MZT2B: variants seen among roughly 807,000 people sequenced by gnomAD.
MZT2B encodes the protein mitotic-spindle organizing protein 2B.
A neutral mutation model predicts 12.1 loss-of-function variants in MZT2B; 11 were observed. The observed-to-expected ratio is 0.91, with a 90% CI of 0.57 to 1.50. The LOEUF (loss-of-function observed/expected upper bound fraction) is 1.50. Among genes scored for constraint, MZT2B ranks in the 40% most tolerant of loss-of-function variants. The pLI is 0.00. For synonymous variants in MZT2B, 85 were observed against 109.5 expected, an observed-to-expected ratio of 0.78 and a Z score of 1.40; for missense variants, 209 against 227.7, an observed-to-expected ratio of 0.92 and a Z score of 0.53.
chr2:130,202,268 T>C, the MZT2B span: 1 of 1,258,906 alleles, frequency 7.9e-7, no homozygotes, highest in Non-Finnish European at 1.0e-6. Context: ...CGTTTACATA[T>C]AGTTGCTACA....
At chr2:130,181,774 T>C (rs1273522645), upstream of MZT2B, 7 of 1,547,710 alleles carry the variant, frequency 4.5e-6, no homozygotes, top group South Asian at 1.2e-5. Context: ...GCGCCTGCGT[T>C]GTGGCGGCCT....
chr2:130,190,808 G>C, downstream of MZT2B: 4 of 1,341,218 alleles, frequency 3.0e-6, no homozygotes, highest in Non-Finnish European at 3.9e-6. Context: ...GCCGGTCCTG[G>C]TTGTGCCACA....
chr2:130,191,524 G>A (rs1433394793), downstream of MZT2B, among the ~76,000 whole-genome samples: 1 of 152,142 alleles, frequency 6.6e-6, no homozygotes, highest in African/African-American at 2.4e-5. Flanking sequence ...CCCTGACTCA[G>A]CTTTCCTAGA....
chr2:130,202,781 A>G, the MZT2B span, among the ~76,000 whole-genome samples: 1 of 152,184 alleles, frequency 6.6e-6, no homozygotes, highest in African/African-American at 2.4e-5. Flanking sequence ...ATGAGGAACG[A>G]TGTCCAGAGG....
At chr2:130,201,309 C>G in the MZT2B span, among the ~76,000 whole-genome samples, 1 of 152,192 alleles carries the variant, frequency 6.6e-6, no homozygotes, top group Non-Finnish European at 1.5e-5. Flanking sequence ...TAAAAAATAC[C>G]ACTGACTGAG....
the MZT2B span, among the ~76,000 whole-genome samples, chr2:130,201,896 G>C: frequency 6.6e-6 from 1 of 152,052 alleles, no homozygotes; most frequent in Non-Finnish European, 1.5e-5. Flanking sequence ...GAAAAGCTAC[G>C]GGAAAAATAT....
intron 2 of MZT2B, among the ~76,000 whole-genome samples, chr2:130,186,006 G>A (rs1483186449): frequency 6.6e-6 from 1 of 152,148 alleles, no homozygotes; most frequent in Non-Finnish European, 1.5e-5. Flanking sequence ...GCCACACCAG[G>A]AGTGTGCTGC....
chr2:130,184,962 C>G (rs1477958638), intron 2 of MZT2B: 16 of 851,462 alleles, frequency 1.9e-5, no homozygotes, highest in Non-Finnish European at 2.1e-5. Context: ...CTCAGGAGTT[C>G]AAGACCAGCC....
chr2:130,193,606 CAA>C (rs34918027), downstream of MZT2B, among the ~76,000 whole-genome samples: 3,715 of 95,004 alleles, frequency 0.039, 34 homozygotes, highest in Non-Finnish European at 0.045. Context: ...AAGACTGTCT[CAA>C]AAAAAAAAAA....
downstream of MZT2B, chr2:130,194,499 C>G (rs182062496): frequency 2.4e-5 from 36 of 1,519,804 alleles, no homozygotes; most frequent in South Asian, 4.2e-4. Flanking sequence ...AGCCAATGCC[C>G]GTGGAAGCCA....
At chr2:130,183,975 T>C in intron 2 of MZT2B, 23 of 1,550,510 alleles carry the variant, frequency 1.5e-5, no homozygotes, top group Non-Finnish European at 1.9e-5. Flanking sequence ...AGGTTGCGTT[T>C]ATTGGCTTAT....
At chr2:130,196,369 G>C in the MZT2B span, 1 of 1,612,100 alleles carries the variant, frequency 6.2e-7, no homozygotes, top group Non-Finnish European at 8.5e-7. Flanking sequence ...AGATACACTC[G>C]CGCTGTGAAC....
rs190721214 is a variant in MZT2B at position 130,190,324 on chromosome 2, A to G, written c.320-145A>G. 3,213 of 1,286,674 alleles carry G rather than the reference A, an allele frequency of 2.5e-3. 18 individuals carry two copies. In the Middle Eastern group the frequency reaches 0.026, roughly 11 times the overall value. 79.7% of individuals were successfully genotyped at this position (1,286,674 alleles called of 1,614,324 possible). On this transcript the variant is annotated intron_variant, in intron 2 of 2. Coordinates refer to ENST00000281871, the MANE Select transcript of MZT2B (RefSeq NM_025029.5). Reference sequence around the variant, plus strand: ...GTCTTTAGTGGTTCTGAGTCTCAGGACTTGGGGCTGATGCAGGGCCTCTAG... The same window carrying G: ...GTCTTTAGTGGTTCTGAGTCTCAGGGCTTGGGGCTGATGCAGGGCCTCTAG...
chr2:130,199,458 G>A, the MZT2B span, among the ~76,000 whole-genome samples: 2 of 122,304 alleles, frequency 1.6e-5, 1 homozygote, highest in South Asian at 5.7e-4. Context: ...GCTGAGGCAG[G>A]AGAATCCCTT....
At chr2:130,203,659 C>T in the MZT2B span, among the ~76,000 whole-genome samples, 4 of 151,618 alleles carry the variant, frequency 2.6e-5, no homozygotes, top group Admixed American at 6.6e-5. Flanking sequence ...TTTGCCCAGG[C>T]GCTGGTCTTG....
chr2:130,198,137 C>T, the MZT2B span, among the ~76,000 whole-genome samples: 17 of 123,022 alleles, frequency 1.4e-4, 6 homozygotes, highest in African/African-American at 3.5e-4. Flanking sequence ...TGGTCCCCGT[C>T]CACTAAAGGC....
the MZT2B span, chr2:130,202,207 A>T: frequency 3.4e-5 from 32 of 942,126 alleles, no homozygotes; most frequent in Non-Finnish European, 4.4e-5. Flanking sequence ...TACAGCACTA[A>T]AAAAAACAGT....
At chr2:130,189,061 G>T (rs1690166750) in intron 2 of MZT2B, among the ~76,000 whole-genome samples, 1 of 152,140 alleles carries the variant, frequency 6.6e-6, no homozygotes. Flanking sequence ...GCAAGGGACT[G>T]CCCCAAACCT....
chr2:130,183,135 G>A, intron 2 of MZT2B: 1 of 404,414 alleles, frequency 2.5e-6, no homozygotes, highest in East Asian at 5.1e-5. Context: ...CCCCAGGGCG[G>A]GAGGATCGTT....
Sources: gnomAD v4.1 joint callset for allele counts (sites outside exome capture counted in the v4.1 genomes callset) on GRCh38, gnomAD v4.1.1 for gene constraint, MANE v1.5 for transcripts, NCBI Gene and HGNC (gene_info 2026-07-23, HGNC 2026-07-21) for gene names.